Variants in DNAH3 observed in about 807,000 individuals in gnomAD.
The protein encoded by DNAH3 is dynein axonemal heavy chain 3.
In DNAH3, 332 loss-of-function variants were observed where a neutral mutation model predicts 432.5. The observed-to-expected ratio is 0.77, with a 90% CI of 0.70 to 0.84. DNAH3 has a LOEUF of 0.84. Ranked by LOEUF, DNAH3 falls within the 40% of genes least tolerant of loss-of-function variation. DNAH3 has a pLI of 0.00. For synonymous variants in DNAH3, 1,956 were observed against 1,900.2 expected, an observed-to-expected ratio of 1.03 and a Z score of -0.76; for missense variants, 4,861 against 5,114.0, an observed-to-expected ratio of 0.95 and a Z score of 1.51.
At chr16:21,084,704 C>T (rs993697709) in intron 19 of DNAH3, among the ~76,000 whole-genome samples, 8 of 151,914 alleles carry the variant, frequency 5.3e-5, no homozygotes, top group African/African-American at 1.9e-4. Flanking sequence ...AGCTCCTGGC[C>T]TCAAGTGATC....
intron 1 of DNAH3, among the ~76,000 whole-genome samples, chr16:21,157,073 C>T (rs1320640000): frequency 6.6e-6 from 1 of 151,714 alleles, no homozygotes; most frequent in East Asian, 1.9e-4. Flanking sequence ...GAACAAAGTG[C>T]ATGACGCCAG....
intron 29 of DNAH3, among the ~76,000 whole-genome samples, chr16:21,051,101 A>G (rs557636791): frequency 1.5e-4 from 23 of 152,346 alleles, no homozygotes; most frequent in Admixed American, 9.8e-4. Flanking sequence ...TTGAAGGGAG[A>G]AAATACTCCC....
At chr16:21,096,289 A>C (rs2091677185) in intron 18 of DNAH3, among the ~76,000 whole-genome samples, 1 of 151,940 alleles carries the variant, frequency 6.6e-6, no homozygotes, top group Non-Finnish European at 1.5e-5. Flanking sequence ...GCACCATCAC[A>C]CTTGGCTGAT....
At chr16:21,159,211 G>C (rs2092932298) in intron 1 of DNAH3, 1 of 1,003,592 alleles carries the variant, frequency 1.0e-6, no homozygotes, top group Non-Finnish European at 1.6e-6. Context: ...AGAGAGATCT[G>C]CAAGTATCAA....
In DNAH3 at chr16:21,020,348, G is replaced by GTGTGTGTATATATA; in HGVS notation, c.5777-480_5777-479insTATATATACACACA. ...ACTGCTGTATAATAATATAGTGTGT[G>GTGTGTGTATATATA]TATATATATATATATATATAAAATC... On this transcript the variant is annotated intron_variant, in intron 40 of 61. Transcript: ENST00000261383. Among the ~76,000 whole-genome samples the GTGTGTGTATATATA allele has an allele frequency of 7.2e-5, 5 of 69,158 alleles. No individual in the cohort carries two copies. In the East Asian group the frequency reaches 1.9e-3, roughly 26 times the overall value. 45.4% of individuals were successfully genotyped at this position (69,158 alleles called of 152,430 possible). A position where few individuals can be genotyped will look rare whatever the true frequency, so the allele number is the denominator to read the frequency against.
chr16:20,952,372 C>T, intron 56 of DNAH3, 61 bp downstream of exon 56: 1 of 1,022,872 alleles, frequency 9.8e-7, no homozygotes, highest in Non-Finnish European at 1.6e-6. Context: ...GGGAGGAGAA[C>T]AGCAGGAGGG....
chr16:20,943,599 A>ACACT (rs1451529393), intron 58 of DNAH3, among the ~76,000 whole-genome samples: 1 of 152,124 alleles, frequency 6.6e-6, no homozygotes, highest in East Asian at 1.9e-4. Context: ...CAATTCTTTG[A>ACACT]CACTCACACA....
intron 39 of DNAH3, 64 bp from the exon 40 acceptor site, chr16:21,022,164 C>T: frequency 6.4e-7 from 1 of 1,563,720 alleles, no homozygotes; most frequent in Admixed American, 1.7e-5. Context: ...CGACCAAGAG[C>T]TTGGTCTACC....
At chr16:21,145,441 A>T (rs2092771388) in intron 2 of DNAH3, 35 bp from the exon 4 acceptor site, 2 of 1,564,526 alleles carry the variant, frequency 1.3e-6, no homozygotes, top group Non-Finnish European at 1.8e-6. Flanking sequence ...AGACACAATG[A>T]GGAACATCTC....
intron 1 of DNAH3, among the ~76,000 whole-genome samples, chr16:21,148,423 A>G (rs1026714499): frequency 6.7e-6 from 1 of 148,592 alleles, no homozygotes; most frequent in Non-Finnish European, 1.5e-5. Flanking sequence ...TGACTTATTT[A>G]TTATTATTAT....
At chr16:21,136,538 G>C in intron 5 of DNAH3, 25 bp from the exon 7 acceptor site, 1 of 1,609,792 alleles carries the variant, frequency 6.2e-7, no homozygotes, top group Non-Finnish European at 8.5e-7. Flanking sequence ...CCACCAGCGA[G>C]AAAATGGTCA....
intron 1 of DNAH3, among the ~76,000 whole-genome samples, chr16:21,155,398 C>T (rs552759662): frequency 1.4e-4 from 21 of 151,986 alleles, no homozygotes; most frequent in African/African-American, 4.3e-4. Context: ...CCGAGGCAGG[C>T]GGATCACAAA....
chr16:20,963,462 C>T (rs866513411), exon 53 of DNAH3: 1 of 1,614,046 alleles, frequency 6.2e-7, no homozygotes, highest in African/African-American at 1.3e-5. Flanking sequence ...ATCGAAGGAT[C>T]ACCATCTTCT....
At chr16:20,986,677 T>C (rs979565349) in intron 47 of DNAH3, among the ~76,000 whole-genome samples, 2 of 152,136 alleles carry the variant, frequency 1.3e-5, no homozygotes, top group African/African-American at 4.8e-5. Context: ...AATAGAAGTA[T>C]AGACACTATC....
chr16:20,976,873 C>T (rs892752101), intron 50 of DNAH3, among the ~76,000 whole-genome samples: 1 of 152,196 alleles, frequency 6.6e-6, no homozygotes, highest in Non-Finnish European at 1.5e-5. Context: ...TGATCTTGAA[C>T]TTCCCAGCCT....
At chr16:21,038,072 C>T in intron 33 of DNAH3, 92 bp from the exon 34 acceptor site, 1 of 1,098,204 alleles carries the variant, frequency 9.1e-7, no homozygotes, top group Non-Finnish European at 1.3e-6. Flanking sequence ...GCCCCGTCAG[C>T]AACCAGGCAT....
At chr16:21,156,214 A>C (rs2092896731) in intron 1 of DNAH3, among the ~76,000 whole-genome samples, 1 of 147,588 alleles carries the variant, frequency 6.8e-6, no homozygotes, top group Non-Finnish European at 1.5e-5. Context: ...ATTTTATTTT[A>C]TTTTATTTTA....
chr16:21,041,079 T>TGA (rs1481716951), intron 32 of DNAH3, among the ~76,000 whole-genome samples: 1 of 151,540 alleles, frequency 6.6e-6, no homozygotes, highest in East Asian at 1.9e-4. Context: ...CAGTAAAAAA[T>TGA]GAGAAATGTG....
At chr16:21,100,544 G>A (rs559142357) in intron 16 of DNAH3, among the ~76,000 whole-genome samples, 1 of 152,320 alleles carries the variant, frequency 6.6e-6, no homozygotes, top group East Asian at 1.9e-4. Flanking sequence ...TGAATCCTTA[G>A]GCTTTGGTGA....
Sources: gnomAD v4.1 joint callset for allele counts (sites outside exome capture counted in the v4.1 genomes callset) on GRCh38, gnomAD v4.1.1 for gene constraint, MANE v1.5 for transcripts, NCBI Gene and HGNC (gene_info 2026-07-23, HGNC 2026-07-21) for gene names.